The following MAGI2 variants were observed in gnomAD, a reference collection of about 807,000 sequenced individuals.
The protein encoded by MAGI2 is membrane-associated guanylate kinase, WW and PDZ domain-containing protein 2.
A neutral mutation model predicts 133.3 loss-of-function variants in MAGI2; 35 were observed. The observed-to-expected ratio is 0.26, with a 90% CI of 0.20 to 0.35. The LOEUF is 0.35. MAGI2 is among the 10% of genes least tolerant of loss of function. The pLI, the probability that MAGI2 is intolerant of heterozygous loss-of-function variation, is 1.00. For synonymous variants in MAGI2, 729 were observed against 710.6 expected, an observed-to-expected ratio of 1.03 and a Z score of -0.41; for missense variants, 1,636 against 1,863.4, an observed-to-expected ratio of 0.88 and a Z score of 2.25.
intron 2 of MAGI2, among the ~76,000 whole-genome samples, chr7:78,843,179 C>T (rs1356915770): frequency 2.0e-5 from 3 of 151,940 alleles, no homozygotes; most frequent in East Asian, 3.9e-4. Context: ...AACTCCCAGG[C>T]CCCCAAGTTG....
chr7:79,302,206 C>T lies in MAGI2; in HGVS notation c.301+150814G>A, dbSNP rs144335404. On this transcript the variant is annotated intron_variant, in intron 1 of 21. Transcript: ENST00000354212. ...GAGATTAATTTTAATCCTTCTGGAG[C>T]TAGGATACAAAGAAAAACAGGTAAG... 1.9e-3 allele frequency among the ~76,000 whole-genome samples: 293 copies of T among 152,170 alleles called. 1 individual carries two copies. Among genetic ancestry groups the T allele is most frequent in the East Asian group, 0.011 (57 of 5,182 alleles).
At chr7:79,270,592 A>G (rs1834804718) in intron 1 of MAGI2, among the ~76,000 whole-genome samples, 1 of 152,162 alleles carries the variant, frequency 6.6e-6, no homozygotes, top group African/African-American at 2.4e-5. Context: ...CTTGTAGAGG[A>G]AATTTTCAGA....
chr7:78,569,838 C>T (rs1801325563), intron 3 of MAGI2, among the ~76,000 whole-genome samples: 1 of 152,150 alleles, frequency 6.6e-6, no homozygotes, highest in East Asian at 1.9e-4. Context: ...ATTCCTGCCA[C>T]CACTGATCAC....
At chr7:78,274,415 T>A (rs1584668090) in intron 9 of MAGI2, among the ~76,000 whole-genome samples, 1 of 151,816 alleles carries the variant, frequency 6.6e-6, no homozygotes, top group Non-Finnish European at 1.5e-5. Flanking sequence ...TACACAGGGG[T>A]CAGGGACCCA....
At chr7:79,041,044 CT>C (rs1248059378) in intron 1 of MAGI2, among the ~76,000 whole-genome samples, 6 of 152,112 alleles carry the variant, frequency 3.9e-5, no homozygotes, top group Admixed American at 1.3e-4. Flanking sequence ...CCCAAGTACT[CT>C]AATTTGATCA....
At chr7:79,135,782 A>G (rs1023457307) in intron 1 of MAGI2, among the ~76,000 whole-genome samples, 1 of 151,710 alleles carries the variant, frequency 6.6e-6, no homozygotes, top group Non-Finnish European at 1.5e-5. Context: ...CTCTACAAAA[A>G]TTTAAAAAAT....
At chr7:78,384,425 G>A (rs943424356) in intron 6 of MAGI2, among the ~76,000 whole-genome samples, 1 of 152,072 alleles carries the variant, frequency 6.6e-6, no homozygotes, top group Non-Finnish European at 1.5e-5. Flanking sequence ...ATGCTACTAG[G>A]AGAAGTACAT....
chr7:79,034,729 A>G (rs1051027713), intron 1 of MAGI2, among the ~76,000 whole-genome samples: 17 of 152,226 alleles, frequency 1.1e-4, no homozygotes, highest in Non-Finnish European at 1.9e-4. Flanking sequence ...GGCAAATGTG[A>G]AAAATCCAAT....
At chr7:78,727,939 CAATAT>C (rs1163534403) in intron 2 of MAGI2, among the ~76,000 whole-genome samples, 1 of 152,020 alleles carries the variant, frequency 6.6e-6, no homozygotes, top group East Asian at 1.9e-4. Context: ...AATAAACACA[CAATAT>C]AATACCAGGT....
rs182287696 is a variant in MAGI2, at chr7:79,210,442, T to C, written c.302-203236A>G. Among the ~76,000 whole-genome samples the C allele has an allele frequency of 1.9e-4, 29 of 152,206 alleles. No homozygotes were observed. In the East Asian group the frequency reaches 5.2e-3, roughly 27 times the overall value. ...CTTCCCAGGTAATTGCTCATGTGTGTTTCCCAGTCTCCTCTTTAAAAAATA... is the reference window on the plus strand; with the variant it reads ...CTTCCCAGGTAATTGCTCATGTGTGCTTCCCAGTCTCCTCTTTAAAAAATA... On this transcript the variant is annotated intron_variant, in intron 1 of 21. Coordinates refer to ENST00000354212, the MANE Select transcript of MAGI2 (RefSeq NM_012301.4).
At chr7:79,004,562 A>G (rs1208158291) in intron 2 of MAGI2, among the ~76,000 whole-genome samples, 2 of 152,188 alleles carry the variant, frequency 1.3e-5, no homozygotes, top group Non-Finnish European at 2.9e-5. Context: ...TATAGTAGAC[A>G]ACAGTGTATT....
chr7:78,883,253 G>GAC (rs549413631), intron 2 of MAGI2, among the ~76,000 whole-genome samples: 9 of 151,918 alleles, frequency 5.9e-5, no homozygotes, highest in Non-Finnish European at 4.4e-5. Context: ...ATTTGTAATA[G>GAC]ACACACACAC....
chr7:78,312,961 T>C (rs1798840952), intron 9 of MAGI2, among the ~76,000 whole-genome samples: 1 of 151,096 alleles, frequency 6.6e-6, no homozygotes. Flanking sequence ...TATAGATATA[T>C]GTATATACAC....
chr7:78,176,788 C>G (rs1826660227), intron 14 of MAGI2, among the ~76,000 whole-genome samples: 1 of 151,980 alleles, frequency 6.6e-6, no homozygotes, highest in African/African-American at 2.4e-5. Flanking sequence ...GTTGAGACTG[C>G]AGTGAGCTGT....
chr7:78,822,824 T>A (rs1790245125), intron 2 of MAGI2, among the ~76,000 whole-genome samples: 1 of 152,180 alleles, frequency 6.6e-6, no homozygotes, highest in African/African-American at 2.4e-5. Context: ...ACTTTGTAAG[T>A]CAAATAAGTT....
In MAGI2 at chr7:78,536,809, G is replaced by A. The variant is rs530742715; in HGVS notation, c.539-15164C>T. On this transcript the variant is annotated intron_variant, in intron 3 of 21. Coordinates refer to ENST00000354212, the MANE Select transcript of MAGI2 (RefSeq NM_012301.4). The stretch of plus-strand genomic sequence containing the variant: ...AGAGTCTTGCTCTGTCGCCCAGGCT[G>A]GAGTGCGGTGGCGCGATCTTGGCTT... Among the ~76,000 whole-genome samples the A allele has an allele frequency of 6.8e-5, 10 of 146,722 alleles. No individual in the cohort carries two copies. In the South Asian group the frequency reaches 8.7e-4, roughly 13 times the overall value.
intron 2 of MAGI2, among the ~76,000 whole-genome samples, chr7:78,743,838 A>G (rs2151260366): frequency 6.6e-6 from 1 of 152,228 alleles, no homozygotes; most frequent in East Asian, 1.9e-4. Context: ...ATTCCAATGA[A>G]CCATTTCTGG....
intron 1 of MAGI2, among the ~76,000 whole-genome samples, chr7:79,195,497 T>G (rs1828000539): frequency 1.3e-5 from 2 of 152,152 alleles, no homozygotes; most frequent in South Asian, 2.1e-4. Flanking sequence ...ATTTGTATTT[T>G]GGAATTAAAA....
At chr7:78,340,232 T>C (rs1790217633) in intron 9 of MAGI2, among the ~76,000 whole-genome samples, 2 of 152,190 alleles carry the variant, frequency 1.3e-5, no homozygotes, top group South Asian at 4.1e-4. Context: ...TTTAGAGATA[T>C]AGTTATTGTA....
Sources: gnomAD v4.1 joint callset for allele counts (sites outside exome capture counted in the v4.1 genomes callset) on GRCh38, gnomAD v4.1.1 for gene constraint, MANE v1.5 for transcripts, NCBI Gene and HGNC (gene_info 2026-07-23, HGNC 2026-07-21) for gene names.